SNX8: variants seen among roughly 807,000 people sequenced by gnomAD.
SNX8 encodes the protein sorting nexin-8.
In SNX8, 25 loss-of-function variants were observed where a neutral mutation model predicts 51.6. That is an observed-to-expected ratio of 0.48 (90% CI 0.35 to 0.68). SNX8 has a LOEUF of 0.68. Among genes scored for constraint, SNX8 ranks in the 30% least tolerant of loss-of-function variants. SNX8 has a pLI of 0.00. For missense variants in SNX8, 695 were observed against 624.0 expected, an observed-to-expected ratio of 1.11 and a Z score of -1.21; for synonymous variants, 324 against 277.0, an observed-to-expected ratio of 1.17 and a Z score of -1.68.
intron 1 of SNX8, among the ~76,000 whole-genome samples, chr7:2,327,732 C>T (rs112514441): frequency 0.013 from 1,896 of 143,178 alleles, 33 homozygotes; most frequent in African/African-American, 0.04. Flanking sequence ...TAAGTAGAGA[C>T]GGGGTTTCAC....
intron 1 of SNX8, among the ~76,000 whole-genome samples, chr7:2,290,085 C>T (rs1411118523): frequency 6.6e-6 from 1 of 152,100 alleles, no homozygotes; most frequent in Admixed American, 6.6e-5. Context: ...CCCAGCTACT[C>T]AGGAGGCTGA....
chr7:2,329,296 TAAA>T (rs879464859), intron 1 of SNX8, among the ~76,000 whole-genome samples: 127 of 150,240 alleles, frequency 8.5e-4, no homozygotes, highest in African/African-American at 3.0e-3. Context: ...AAAATAAAAA[TAAA>T]AAATAAATAA....
chr7:2,257,103 T>C (rs1795205236), intron 9 of SNX8, 80 bp from the exon 10 acceptor site: 1 of 1,456,772 alleles, frequency 6.9e-7, no homozygotes, highest in Non-Finnish European at 9.1e-7. Flanking sequence ...GCGTGCTCCC[T>C]GAGCCAGGGC....
intron 1 of SNX8, among the ~76,000 whole-genome samples, chr7:2,298,117 T>C (rs1796312838): frequency 6.6e-6 from 1 of 152,010 alleles, no homozygotes; most frequent in Non-Finnish European, 1.5e-5. Context: ...CTTTTCTTTA[T>C]TCTTATTTTT....
At position 2,263,323 on chromosome 7, in the gene SNX8, G is replaced by C. The variant is rs769106106; in HGVS notation, c.822C>G (p.Ala274=). 2 of 1,612,682 alleles carry C rather than the reference G, an allele frequency of 1.2e-6. No individual in the cohort carries two copies. Among genetic ancestry groups the C allele is most frequent in the Non-Finnish European group, 1.7e-6 (2 of 1,179,472 alleles). Residue 274 remains alanine, a synonymous_variant, in exon 7 of 11, where the codon GCC becomes GCG. Coordinates refer to ENST00000222990, the MANE Select transcript of SNX8 (RefSeq NM_013321.4). ...ACCCCCACGTGCTGCTATTCAGAGC[G>C]GCCCAGGAGGGCAGCGGGGTCGTGT... ...GSDTTPLPSW[A]ALNSSTWGSL...
At chr7:2,351,640 G>A (rs1306558140) in intron 1 of SNX8, among the ~76,000 whole-genome samples, 9 of 151,816 alleles carry the variant, frequency 5.9e-5, no homozygotes, top group Non-Finnish European at 1.3e-4. Context: ...AGACCATCCT[G>A]ACTAACAGGA....
chr7:2,258,382 T>TCAGCCCGGC, intron 7 of SNX8, among the ~76,000 whole-genome samples: 1 of 152,224 alleles, frequency 6.6e-6, no homozygotes, highest in Non-Finnish European at 1.5e-5. Context: ...CTCCTGCTCA[T>TCAGCCCGGC]CAGCCCGGCC....
chr7:2,272,854 A>T (rs970541296), intron 3 of SNX8, among the ~76,000 whole-genome samples: 20 of 151,770 alleles, frequency 1.3e-4, no homozygotes, highest in Non-Finnish European at 2.9e-4. Context: ...TTTTTTTGAG[A>T]CGGAGTTTCA....
At chr7:2,325,934 T>C (rs1190188167) in intron 1 of SNX8, among the ~76,000 whole-genome samples, 3 of 152,150 alleles carry the variant, frequency 2.0e-5, no homozygotes, top group Non-Finnish European at 4.4e-5. Flanking sequence ...GTCTCAGAAA[T>C]CTTAGCGGGA....
intron 1 of SNX8, among the ~76,000 whole-genome samples, chr7:2,285,524 A>G (rs978641895): frequency 1.3e-5 from 2 of 152,230 alleles, no homozygotes; most frequent in African/African-American, 4.8e-5. Context: ...CTCTGTGGCC[A>G]GGGAACAGCA....
chr7:2,260,611 G>A (rs1032069369), intron 7 of SNX8, among the ~76,000 whole-genome samples: 1 of 152,170 alleles, frequency 6.6e-6, no homozygotes, highest in African/African-American at 2.4e-5. Context: ...GGTCTGGGGA[G>A]AGTATAACTG....
intron 1 of SNX8, among the ~76,000 whole-genome samples, chr7:2,333,825 G>C: frequency 6.6e-6 from 1 of 152,240 alleles, no homozygotes; most frequent in East Asian, 1.9e-4. Context: ...ATTAACCCAC[G>C]TCATAGGTCT....
At chr7:2,288,648 G>A (rs1413388693) in intron 1 of SNX8, among the ~76,000 whole-genome samples, 5 of 152,102 alleles carry the variant, frequency 3.3e-5, no homozygotes, top group African/African-American at 1.2e-4. Context: ...AGCAGAATTA[G>A]CATCGATGCC....
intron 9 of SNX8, 141 bp from the exon 10 acceptor site, chr7:2,257,164 G>A: frequency 2.5e-6 from 3 of 1,222,272 alleles, no homozygotes; most frequent in Non-Finnish European, 3.3e-6. Context: ...GGCGAGGTAA[G>A]AGAGGGCCGG....
At chr7:2,277,636 TAA>T (rs11340901) in intron 2 of SNX8, among the ~76,000 whole-genome samples, 17 of 149,922 alleles carry the variant, frequency 1.1e-4, no homozygotes, top group South Asian at 2.1e-4. Context: ...CTGTCTCTAC[TAA>T]AAAAAAAAAT....
At chr7:2,259,020 G>T (rs1192422865) in intron 7 of SNX8, among the ~76,000 whole-genome samples, 1 of 152,198 alleles carries the variant, frequency 6.6e-6, no homozygotes, top group Non-Finnish European at 1.5e-5. Flanking sequence ...AGCCCTCGGT[G>T]GGGGCGCAGG....
intron 1 of SNX8, among the ~76,000 whole-genome samples, chr7:2,353,497 G>A (rs1323970785): frequency 6.6e-6 from 1 of 151,942 alleles, no homozygotes; most frequent in African/African-American, 2.4e-5. Flanking sequence ...GCCCTGACTG[G>A]TCTTGAACTC....
chr7:2,273,502 C>T (rs1795698053), intron 3 of SNX8, among the ~76,000 whole-genome samples: 1 of 150,870 alleles, frequency 6.6e-6, no homozygotes, highest in African/African-American at 2.4e-5. Flanking sequence ...AGGAGAATGG[C>T]GTGAACCCGG....
chr7:2,261,789 T>A (rs1234050315), intron 7 of SNX8, among the ~76,000 whole-genome samples: 1 of 152,096 alleles, frequency 6.6e-6, no homozygotes, highest in African/African-American at 2.4e-5. Flanking sequence ...AGCAAAGACA[T>A]CGAATTTCCT....
Sources: allele counts gnomAD v4.1 joint callset (sites outside exome capture counted in the v4.1 genomes callset), GRCh38; gene constraint gnomAD v4.1.1; transcripts MANE v1.5; gene names NCBI Gene and HGNC (gene_info 2026-07-23, HGNC 2026-07-21).